MAP4: variants seen among roughly 807,000 people sequenced by gnomAD.
MAP4 encodes microtubule-associated protein 4.
Under a neutral mutation model 170.2 loss-of-function variants are expected in MAP4, and 76 were observed. The ratio of observed to expected loss-of-function variants is 0.45; its 90% confidence interval spans 0.37 to 0.54. MAP4 has a LOEUF of 0.54. Ranked by LOEUF, MAP4 falls within the 20% of genes least tolerant of loss-of-function variation. The probability of loss-of-function intolerance (pLI) is 0.00; values close to 1 mark genes in which losing one functional copy is unlikely to be tolerated. For synonymous variants in MAP4, 909 were observed against 994.5 expected (o/e 0.91, Z 1.62); for missense variants, 2,506 against 2,748.0 (o/e 0.91, Z 1.97).
intron 1 of MAP4, among the ~76,000 whole-genome samples, chr3:48,067,286 C>A (rs1417045038): frequency 6.6e-6 from 1 of 152,030 alleles, no homozygotes; most frequent in Non-Finnish European, 1.5e-5. Context: ...GAAAAAAAAA[C>A]CTCAACACAA....
At chr3:47,906,809 A>G (rs1181965436) in intron 9 of MAP4, among the ~76,000 whole-genome samples, 1 of 151,644 alleles carries the variant, frequency 6.6e-6, no homozygotes, top group Non-Finnish European at 1.5e-5. Flanking sequence ...AAAAAAAACA[A>G]AAAAAAGAGG....
intron 4 of MAP4, among the ~76,000 whole-genome samples, chr3:47,923,331 G>C (rs1393039933): frequency 6.6e-6 from 1 of 151,216 alleles, no homozygotes; most frequent in Non-Finnish European, 1.5e-5. Context: ...CCCTCTTTTT[G>C]TAAGAAATTT....
chr3:47,869,916 C>T (rs1478983488), intron 15 of MAP4, among the ~76,000 whole-genome samples: 1 of 152,180 alleles, frequency 6.6e-6, no homozygotes, highest in African/African-American at 2.4e-5. Context: ...GAGCCACTGT[C>T]GCTACCACAA....
chr3:47,946,648 C>T (rs1023970212), intron 3 of MAP4, among the ~76,000 whole-genome samples: 1 of 125,044 alleles, frequency 8.0e-6, no homozygotes, highest in African/African-American at 3.3e-5. Flanking sequence ...AGGTGAAACT[C>T]CGTCTCAAAA....
chr3:48,050,535 G>T (rs899471095), intron 1 of MAP4, among the ~76,000 whole-genome samples: 2 of 151,058 alleles, frequency 1.3e-5, no homozygotes, highest in African/African-American at 2.4e-5. Context: ...TTCTCAGAAA[G>T]ATTCGGTTTT....
Position 47,911,362 on chromosome 3 carries a change from G to T in MAP4, c.3059C>A (p.Ala1020Asp). The T allele has an allele frequency of 5.9e-6, 9 of 1,535,972 alleles. No individual in the cohort carries two copies. The highest frequency in any genetic ancestry group is 7.8e-6 in the Non-Finnish European group (9 of 1,146,866). The change falls in exon 9 of 21, where the codon GCT (alanine) becomes GAT (aspartate). Residue 1020 changes from alanine to aspartate, a missense_variant. Physicochemically the swap from Ala to Asp is moderately radical, Grantham distance 126. Around this residue, in one of 3 missense-constraint regions of MAP4, gnomAD observed 2,008 missense variants for 2,206.0 expected, o/e 0.91. Coordinates refer to ENST00000683076, the MANE Select transcript of MAP4 (RefSeq NM_001385682.1). This position sits in a 1 kb window ranked among gnomAD's most constrained non-coding sequence, Gnocchi z 4.0. ...GATCTCTTGTCTTTCGTTGGGAAAAGCTTCCTTTTTTAGTTCTTTATCCTC... is the reference window on the plus strand; with the variant it reads ...GATCTCTTGTCTTTCGTTGGGAAAATCTTCCTTTTTTAGTTCTTTATCCTC... The part of the protein sequence containing the change: ...AEEDKELKKE[A>D]FPNERQEISI...
Position 47,974,824 on chromosome 3 carries a change from T to C in MAP4, c.292+3041A>G, listed in dbSNP as rs915885094. 3.1e-6 allele frequency: 3 copies of C among 969,210 alleles called. No homozygotes were observed. In the Admixed American group the frequency reaches 1.9e-4, roughly 60 times the overall value. 60.0% of individuals were successfully genotyped at this position (969,210 alleles called of 1,614,324 possible). A position where few individuals can be genotyped will look rare whatever the true frequency, so the allele number is the denominator to read the frequency against. On this transcript the variant is annotated intron_variant, in intron 3 of 20. Coordinates refer to ENST00000683076, the MANE Select transcript of MAP4 (RefSeq NM_001385682.1). The stretch of plus-strand genomic sequence containing the variant: ...TAAAGGATTATTTAATTTGGAAAAA[T>C]ATTCTAGGATTACTCAGAACTACTC...
chr3:48,084,372 C>G (rs570928351), intron 1 of MAP4, among the ~76,000 whole-genome samples: 39 of 129,780 alleles, frequency 3.0e-4, no homozygotes, highest in African/African-American at 1.1e-3. Context: ...GCTGACAGAA[C>G]ATGATCTCAT....
At position 47,853,318 on chromosome 3, in the gene MAP4, G is replaced by A. The variant is rs765950415; in HGVS notation, c.6731C>T (p.Pro2244Leu). ...EGGGSEAPLC[P>L]GPPAGEEPAI... is the part of the protein sequence containing the mutation. Reference sequence around the variant, plus strand: ...CGGCTCCTCCCCAGCAGGGGGACCCGGACACAGAGGAGCCTCGCTGCCACC... The same window carrying A: ...CGGCTCCTCCCCAGCAGGGGGACCCAGACACAGAGGAGCCTCGCTGCCACC... The change falls in exon 20 of 21, where the codon CCG becomes CTG. Residue 2244 changes from proline to leucine, a missense_variant. Physicochemically the swap from Pro to Leu is moderately conservative, Grantham distance 98. Coordinates refer to ENST00000683076, the MANE Select transcript of MAP4 (RefSeq NM_001385682.1). The A allele has an allele frequency of 8.1e-6, 13 of 1,610,690 alleles. No homozygotes were observed. The highest frequency in any genetic ancestry group is 6.7e-5 in the East Asian group (3 of 44,836).
At chr3:47,941,495 T>C (rs995755277) in intron 3 of MAP4, among the ~76,000 whole-genome samples, 10 of 151,850 alleles carry the variant, frequency 6.6e-5, no homozygotes, top group Admixed American at 1.3e-4. Flanking sequence ...AGCGAAACCA[T>C]GGCTGGGCTC....
At chr3:47,961,765 G>A (rs781481924) in intron 3 of MAP4, among the ~76,000 whole-genome samples, 31 of 152,080 alleles carry the variant, frequency 2.0e-4, no homozygotes, top group Non-Finnish European at 4.1e-4. Flanking sequence ...ACACCCCATG[G>A]TGCTCATCCC....
chr3:47,996,737 GACAC>G (rs57673370), intron 2 of MAP4, among the ~76,000 whole-genome samples: 83,262 of 146,372 alleles, frequency 0.57, 24,157 homozygotes, highest in East Asian at 0.66. Flanking sequence ...CAAAAACTAA[GACAC>G]ACACACACAC....
Position 47,852,637 on chromosome 3 carries a change from G to A in MAP4, c.*297C>T, listed in dbSNP as rs983920708. ...TCCCAACCTCCTCCACGGAGCAGTG[G>A]CGCAGTGATGGGGCAAGACCAAAGC... On this transcript the variant is annotated 3_prime_UTR_variant, in exon 21 of 21. Coordinates refer to ENST00000683076, the MANE Select transcript of MAP4 (RefSeq NM_001385682.1). 1.9e-6 allele frequency: 2 copies of A among 1,050,890 alleles called. No homozygotes were observed. Among genetic ancestry groups the A allele is most frequent in the Non-Finnish European group, 1.3e-6 (1 of 748,064 alleles). The allele number at this position is 1,050,890 out of a possible 1,614,324, so 65.1% of individuals were successfully genotyped here.
Position 47,891,065 on chromosome 3 carries a change from T to C in MAP4, c.5434+11885A>G, listed in dbSNP as rs546497150. On this transcript the variant is annotated intron_variant, in intron 10 of 20. Coordinates refer to ENST00000683076, the MANE Select transcript of MAP4 (RefSeq NM_001385682.1). The stretch of plus-strand genomic sequence containing the variant: ...TTCAAACAGGAACGATGGAGTGCTC[T>C]GGGTTGCAGTGACCTCAATTTCTTT... The C allele has an allele frequency of 6.3e-5, 96 of 1,523,952 alleles. No homozygotes were observed. In the South Asian group the frequency reaches 1.1e-3, roughly 17 times the overall value. The allele number at this position is 1,523,952 out of a possible 1,614,324, so 94.4% of individuals were successfully genotyped here. A position where few individuals can be genotyped will look rare whatever the true frequency, so the allele number is the denominator to read the frequency against.
At chr3:47,892,527 TGG>T in intron 10 of MAP4, 1 of 1,485,240 alleles carries the variant, frequency 6.7e-7, no homozygotes, top group Middle Eastern at 1.9e-4. Flanking sequence ...CTTTCGCTCC[TGG>T]AGCTCTAATA....
chr3:47,941,631 A>C (rs368727610), intron 3 of MAP4, among the ~76,000 whole-genome samples: 268 of 150,762 alleles, frequency 1.8e-3, no homozygotes, highest in East Asian at 5.3e-3. Flanking sequence ...CAAAAACAAA[A>C]AAAAAAAAAA....
At chr3:47,931,325 C>T (rs1390163564) in intron 3 of MAP4, among the ~76,000 whole-genome samples, 1 of 152,060 alleles carries the variant, frequency 6.6e-6, no homozygotes, top group Non-Finnish European at 1.5e-5. Flanking sequence ...AGGCTGCAGT[C>T]ACCTGTGATC....
intron 8 of MAP4, 50 bp downstream of exon 8, chr3:47,914,767 C>G (rs2100037710): frequency 6.2e-7 from 1 of 1,610,520 alleles, no homozygotes; most frequent in African/African-American, 1.3e-5. Context: ...CATCACTACT[C>G]TATCGCCCCT....
intron 1 of MAP4, among the ~76,000 whole-genome samples, chr3:48,006,234 T>C (rs999242496): frequency 2.7e-5 from 4 of 147,502 alleles, no homozygotes; most frequent in African/African-American, 9.9e-5. Flanking sequence ...CAGGTACCCT[T>C]GAGAAAGGAC....
Sources: gnomAD v4.1 joint callset for allele counts (sites outside exome capture counted in the v4.1 genomes callset) on GRCh38, gnomAD v4.1.1 for gene constraint, gnomAD v4.1.1 regional missense constraint, Gnocchi (gnomAD v3.1) non-coding constraint, MANE v1.5 for transcripts, NCBI Gene and HGNC (gene_info 2026-07-23, HGNC 2026-07-21) for gene names.